Variants in TAF8 observed in about 807,000 individuals in gnomAD.
TAF8 encodes the protein TATA-box binding protein associated factor 8.
A neutral mutation model predicts 36.5 loss-of-function variants in TAF8; 47 were observed. The observed-to-expected ratio is 1.29, with a 90% CI of 1.02 to 1.64. The LOEUF (loss-of-function observed/expected upper bound fraction) is 1.64. Ranked by LOEUF, TAF8 falls within the 40% of genes most tolerant of loss-of-function variation. TAF8 has a pLI of 0.00. For missense variants in TAF8, 420 were observed against 407.6 expected, an observed-to-expected ratio of 1.03 and a Z score of -0.26; for synonymous variants, 175 against 159.5, an observed-to-expected ratio of 1.10 and a Z score of -0.73.
intron 5 of TAF8, among the ~76,000 whole-genome samples, chr6:42,061,884 A>G (rs1201742677): frequency 2.0e-5 from 3 of 152,178 alleles, no homozygotes; most frequent in Non-Finnish European, 4.4e-5. Flanking sequence ...GGATATCACA[A>G]AATAGAATCC....
chr6:42,074,470 G>C (rs1284189654), intron 7 of TAF8, among the ~76,000 whole-genome samples: 1 of 152,186 alleles, frequency 6.6e-6, no homozygotes, highest in Non-Finnish European at 1.5e-5. Context: ...AGGCAATTCA[G>C]GGAGCTCCTG....
At chr6:42,057,561 A>G (rs1304576752) in intron 5 of TAF8, 48 bp downstream of exon 5, 1 of 1,607,294 alleles carries the variant, frequency 6.2e-7, no homozygotes, top group East Asian at 2.2e-5. Flanking sequence ...GCACGGAGTC[A>G]GTTCCTACTG....
At chr6:42,070,724 T>C (rs1383899713) in intron 7 of TAF8, among the ~76,000 whole-genome samples, 1 of 152,208 alleles carries the variant, frequency 6.6e-6, no homozygotes, top group Non-Finnish European at 1.5e-5. Flanking sequence ...GTTTTTATTT[T>C]TTAAGATAAA....
intron 5 of TAF8, among the ~76,000 whole-genome samples, chr6:42,062,874 A>G (rs1230198173): frequency 2.0e-5 from 3 of 152,016 alleles, no homozygotes; most frequent in Non-Finnish European, 4.4e-5. Flanking sequence ...ACTAGACAAA[A>G]TTACATTCCC....
intron 7 of TAF8, among the ~76,000 whole-genome samples, chr6:42,069,457 G>T (rs184734917): frequency 5.9e-5 from 9 of 152,284 alleles, no homozygotes; most frequent in Admixed American, 5.2e-4. Context: ...ATCACTTTCA[G>T]AGCAGAGCCA....
chr6:42,069,771 G>A (rs749136863), intron 7 of TAF8, among the ~76,000 whole-genome samples: 1 of 152,182 alleles, frequency 6.6e-6, no homozygotes, highest in Non-Finnish European at 1.5e-5. Context: ...AAACATGAGC[G>A]TGGATGAGCT....
In TAF8 at chr6:42,055,977, T is replaced by G. The variant is rs764454653; in HGVS notation, c.327T>G (p.Ala109=). The G allele has an allele frequency of 1.9e-6, 3 of 1,613,628 alleles. No homozygotes were observed. The highest frequency in any genetic ancestry group is 2.5e-6 in the Non-Finnish European group (3 of 1,179,470). The change falls in exon 4 of 9, where the codon GCT becomes GCG. Residue 109 remains alanine (A), a synonymous_variant. Transcript: ENST00000372977. ...EMGFNVDTLP[A]YAKRSQRMVI... The stretch of plus-strand genomic sequence containing the variant: ...GTTTCAATGTGGACACTCTCCCTGC[T>G]TATGCAAAACGGTCTCAGAGGATGG...
intron 7 of TAF8, among the ~76,000 whole-genome samples, chr6:42,072,554 G>A (rs775591184): frequency 3.3e-5 from 5 of 152,000 alleles, no homozygotes; most frequent in East Asian, 1.9e-4. Flanking sequence ...GTATCTTGGC[G>A]GTCATTCCAC....
At chr6:42,071,296 A>C in intron 7 of TAF8, 1 of 129,812 alleles carries the variant, frequency 7.7e-6, no homozygotes, top group Non-Finnish European at 1.4e-5. Flanking sequence ...TGAAGGTCTT[A>C]TTTGCCTGGA....
chr6:42,085,102 G>C (rs1030265505), downstream of TAF8, among the ~76,000 whole-genome samples: 1 of 152,090 alleles, frequency 6.6e-6, no homozygotes. Context: ...CAGCAAATAC[G>C]GACACATTTT....
chr6:42,079,240 G>A lies in TAF8; in HGVS notation c.*1695G>A, dbSNP rs181013813. On this transcript the variant is annotated 3_prime_UTR_variant, in exon 9 of 9. Transcript: ENST00000372977. Reference sequence around the variant, plus strand: ...AAGCTGAGAAACGGCTGGTCAGCTGGAAGGCTGGTGGATGGGCAGGAGTGA... The same window carrying A: ...AAGCTGAGAAACGGCTGGTCAGCTGAAAGGCTGGTGGATGGGCAGGAGTGA... 2,258 of 985,644 alleles carry A rather than the reference G, an allele frequency of 2.3e-3. 4 individuals carry two copies. Among genetic ancestry groups the A allele is most frequent in the Non-Finnish European group, 2.6e-3 (2,175 of 830,012 alleles). The allele number at this position is 985,644 out of a possible 1,614,324, so 61.1% of individuals were successfully genotyped here.
At chr6:42,051,680 G>C (rs1764796756) in intron 2 of TAF8, 167 bp downstream of exon 2, 1 of 664,322 alleles carries the variant, frequency 1.5e-6, no homozygotes. Context: ...AGCACAATGG[G>C]CCGAGCGTGG....
At position 42,074,214 on chromosome 6, in the gene TAF8, G is replaced by C. The variant is rs78075696; in HGVS notation, c.781-2886G>C. ...AGTTGCCATCACTTGTGATGGGAGG[G>C]ACTGAGAAGCGCCGTTTACACCACA... On this transcript the variant is annotated intron_variant, in intron 7 of 8. Coordinates refer to ENST00000372977, the MANE Select transcript of TAF8 (RefSeq NM_138572.3). Among the ~76,000 whole-genome samples the C allele has an allele frequency of 3.3e-5, 5 of 152,270 alleles. No individual in the cohort carries two copies. In the East Asian group the frequency reaches 9.7e-4, roughly 29 times the overall value.
chr6:42,066,563 C>T, intron 6 of TAF8, 104 bp downstream of exon 6: 1 of 1,342,288 alleles, frequency 7.4e-7, no homozygotes, highest in South Asian at 1.3e-5. Context: ...TTTTGTCCTT[C>T]CCTTGGGTAC....
At chr6:42,050,729 G>T in intron 1 of TAF8, 143 bp downstream of exon 1, 1 of 1,117,304 alleles carries the variant, frequency 9.0e-7, no homozygotes, top group South Asian at 1.7e-5. Flanking sequence ...GGCCGTAGGC[G>T]CCCCCTCCTT....
At chr6:42,071,472 C>T (rs540834426) in intron 7 of TAF8, 62 of 167,602 alleles carry the variant, frequency 3.7e-4, no homozygotes, top group Non-Finnish European at 5.6e-4. Flanking sequence ...ATTACAGGTA[C>T]GCACCACCAC....
chr6:42,052,822 G>A (rs942260776), intron 2 of TAF8, among the ~76,000 whole-genome samples: 4 of 152,118 alleles, frequency 2.6e-5, no homozygotes, highest in Non-Finnish European at 1.5e-5. Flanking sequence ...GGCAGAGGGA[G>A]ATGTGGGGTG....
chr6:42,055,781 A>C (rs2127450355), intron 3 of TAF8, 152 bp downstream of exon 3: 1 of 766,330 alleles, frequency 1.3e-6, no homozygotes, highest in East Asian at 2.6e-5. Flanking sequence ...TCCTCTGAAC[A>C]CATCTAAGAG....
chr6:42,058,379 CAAA>C (rs1327251653), intron 5 of TAF8, among the ~76,000 whole-genome samples: 2 of 151,960 alleles, frequency 1.3e-5, no homozygotes, highest in African/African-American at 4.8e-5. Context: ...GACTCTGTCT[CAAA>C]AAGAAATAAA....
Sources: gnomAD v4.1 joint callset for allele counts (sites outside exome capture counted in the v4.1 genomes callset) on GRCh38, gnomAD v4.1.1 for gene constraint, MANE v1.5 for transcripts, NCBI Gene and HGNC (gene_info 2026-07-23, HGNC 2026-07-21) for gene names.